The following CADPS2 variants were observed in gnomAD, a reference collection of about 807,000 sequenced individuals.
CADPS2 encodes the protein calcium dependent secretion activator 2, also known as calcium-dependent secretion activator 2.
Under a neutral mutation model 172.5 loss-of-function variants are expected in CADPS2, and 93 were observed. That is an observed-to-expected ratio of 0.54 (90% CI 0.46 to 0.64). CADPS2 has a LOEUF of 0.64. Among genes scored for constraint, CADPS2 ranks in the 30% least tolerant of loss-of-function variants. The probability of loss-of-function intolerance (pLI) is 0.00; values close to 1 mark genes in which losing one functional copy is unlikely to be tolerated. For missense variants in CADPS2, 1,420 were observed against 1,565.9 expected, an observed-to-expected ratio of 0.91 and a Z score of 1.57; for synonymous variants, 546 against 555.2, an observed-to-expected ratio of 0.98 and a Z score of 0.23.
rs185846084 is a variant in CADPS2 at position 122,806,364 on chromosome 7, C to T, written c.340-69296G>A. On this transcript the variant is annotated intron_variant, in intron 1 of 29. Transcript: ENST00000449022. The stretch of plus-strand genomic sequence containing the variant: ...TCATTTTTTTCTACTACTGTACCCA[C>T]AGAACTAAAAACAAATCTAACGAAA... Among the ~76,000 whole-genome samples, 410 of 152,228 alleles carry T rather than the reference C, an allele frequency of 2.7e-3. 4 individuals carry two copies. The highest frequency in any genetic ancestry group is 9.7e-3 in the African/African-American group (402 of 41,542).
At chr7:122,443,382 G>T (rs2051635726) in intron 15 of CADPS2, among the ~76,000 whole-genome samples, 1 of 152,082 alleles carries the variant, frequency 6.6e-6, no homozygotes, top group South Asian at 2.1e-4. Flanking sequence ...AATATTTTGG[G>T]TTTTTACCAC....
chr7:122,542,713 C>A (rs1269405897), intron 8 of CADPS2, among the ~76,000 whole-genome samples: 1 of 151,978 alleles, frequency 6.6e-6, no homozygotes, highest in Non-Finnish European at 1.5e-5. Flanking sequence ...TCACTTTATT[C>A]ATTATTTTTT....
chr7:122,883,658 G>T (rs909505305), intron 1 of CADPS2, among the ~76,000 whole-genome samples: 5 of 152,128 alleles, frequency 3.3e-5, no homozygotes, highest in Admixed American at 6.6e-5. Flanking sequence ...ACTGCCAAAA[G>T]TTGCTCCAGC....
chr7:122,680,110 C>A (rs561801212), intron 2 of CADPS2, among the ~76,000 whole-genome samples: 1 of 152,154 alleles, frequency 6.6e-6, no homozygotes, highest in Non-Finnish European at 1.5e-5. Context: ...ATTGTTGTTG[C>A]AATGGTTAAT....
chr7:122,608,148 G>A (rs1167710828), intron 6 of CADPS2, among the ~76,000 whole-genome samples: 2 of 151,538 alleles, frequency 1.3e-5, no homozygotes, highest in Non-Finnish European at 2.9e-5. Context: ...CCCAGGAGGC[G>A]GAGATTGCAG....
At chr7:122,451,314 G>T in intron 15 of CADPS2, 60 bp downstream of exon 15, 1 of 842,142 alleles carries the variant, frequency 1.2e-6, no homozygotes, top group Non-Finnish European at 1.7e-6. Context: ...AATTTTTGGG[G>T]GAAGTAAGGG....
At chr7:122,577,207 T>C (rs998905943) in intron 7 of CADPS2, among the ~76,000 whole-genome samples, 1 of 152,072 alleles carries the variant, frequency 6.6e-6, no homozygotes, top group African/African-American at 2.4e-5. Context: ...TTAAACCTCT[T>C]TTCTTCATAA....
intron 2 of CADPS2, among the ~76,000 whole-genome samples, chr7:122,729,183 C>G (rs911121340): frequency 9.9e-5 from 15 of 151,922 alleles, no homozygotes; most frequent in East Asian, 3.9e-4. Context: ...CATGTTGCTG[C>G]AGATGATAGG....
intron 9 of CADPS2, among the ~76,000 whole-genome samples, chr7:122,501,767 C>T (rs149424840): frequency 0.019 from 2,786 of 147,690 alleles, 94 homozygotes; most frequent in African/African-American, 0.066. Flanking sequence ...CCCAGCTACT[C>T]GGGAGGCTGA....
chr7:122,372,360 A>G (rs2041869226), intron 25 of CADPS2, among the ~76,000 whole-genome samples: 1 of 152,228 alleles, frequency 6.6e-6, no homozygotes, highest in South Asian at 2.1e-4. Context: ...AAGTAACAGC[A>G]TTTAGTTGCC....
At chr7:122,876,262 G>A (rs1164875647) in intron 1 of CADPS2, among the ~76,000 whole-genome samples, 3 of 152,230 alleles carry the variant, frequency 2.0e-5, no homozygotes, top group Non-Finnish European at 2.9e-5. Flanking sequence ...AGAGGTTGCA[G>A]TGGGTCAGGA....
rs1418304314 is a variant in CADPS2, at chr7:122,319,394, T to C, written c.*771A>G. ...TATATAAGTCTAATAAATACAGAAG[T>C]AGTTATGAGCAAATAGATTTTTATT... On this transcript the variant is annotated 3_prime_UTR_variant, in exon 30 of 30. Transcript: ENST00000449022. 6.6e-6 allele frequency: 1 copy of C among 152,156 alleles called. No homozygotes were observed. The highest frequency in any genetic ancestry group is 1.5e-5 in the Non-Finnish European group (1 of 68,036). The allele number at this position is 152,156 out of a possible 1,614,324, so 9.4% of individuals were successfully genotyped here.
intron 6 of CADPS2, among the ~76,000 whole-genome samples, chr7:122,583,798 T>C (rs2069208438): frequency 6.6e-6 from 1 of 151,230 alleles, no homozygotes; most frequent in South Asian, 2.1e-4. Flanking sequence ...ACATATCATA[T>C]ACATCACATC....
chr7:122,561,297 G>A (rs1222537143), intron 7 of CADPS2, among the ~76,000 whole-genome samples: 1 of 151,778 alleles, frequency 6.6e-6, no homozygotes, highest in African/African-American at 2.4e-5. Flanking sequence ...TGGCCCAACA[G>A]AGAACCACAC....
chr7:122,512,350 C>T (rs2060065229), intron 9 of CADPS2, among the ~76,000 whole-genome samples: 1 of 152,062 alleles, frequency 6.6e-6, no homozygotes, highest in African/African-American at 2.4e-5. Context: ...GAGATTTTTA[C>T]AGAATGTTTT....
chr7:122,381,142 GC>G (rs1165319154), intron 24 of CADPS2, among the ~76,000 whole-genome samples: 21 of 152,054 alleles, frequency 1.4e-4, no homozygotes, highest in Admixed American at 6.6e-4. Flanking sequence ...TACAAAAAAG[GC>G]CCCCCAGCTC....
intron 8 of CADPS2, among the ~76,000 whole-genome samples, chr7:122,537,973 A>G (rs1307331561): frequency 6.6e-6 from 1 of 151,890 alleles, no homozygotes; most frequent in Non-Finnish European, 1.5e-5. Flanking sequence ...AAACTAACAT[A>G]AAATGCAAAA....
intron 6 of CADPS2, among the ~76,000 whole-genome samples, chr7:122,592,033 C>T (rs1195276484): frequency 6.6e-6 from 1 of 152,066 alleles, no homozygotes; most frequent in Non-Finnish European, 1.5e-5. Flanking sequence ...AAGAAACTAC[C>T]ATCAGAGTGA....
chr7:122,513,125 A>C, intron 9 of CADPS2, 124 bp downstream of exon 9: 1 of 656,104 alleles, frequency 1.5e-6, no homozygotes, highest in Admixed American at 2.9e-5. Context: ...TACTGCTTTT[A>C]TTTAAAGTGG....
Sources: allele counts gnomAD v4.1 joint callset (sites outside exome capture counted in the v4.1 genomes callset), GRCh38; gene constraint gnomAD v4.1.1; transcripts MANE v1.5; gene names NCBI Gene and HGNC (gene_info 2026-07-23, HGNC 2026-07-21).